The following CEP192 variants were observed in gnomAD, a reference collection of about 807,000 sequenced individuals.
The protein encoded by CEP192 is centrosomal protein of 192 kDa.
A neutral mutation model predicts 271.8 loss-of-function variants in CEP192; 151 were observed. The ratio of observed to expected loss-of-function variants is 0.56; its 90% confidence interval spans 0.49 to 0.64. CEP192 has a LOEUF of 0.64. Among genes scored for constraint, CEP192 ranks in the 30% least tolerant of loss-of-function variants. The pLI, the probability that CEP192 is intolerant of heterozygous loss-of-function variation, is 0.00. For synonymous variants in CEP192, 995 were observed against 1,076.5 expected (o/e 0.92, Z 1.48); for missense variants, 2,910 against 3,020.5 (o/e 0.96, Z 0.86).
At chr18:13,043,514 T>G (rs2036318449) in intron 15 of CEP192, among the ~76,000 whole-genome samples, 1 of 152,216 alleles carries the variant, frequency 6.6e-6, no homozygotes, top group Non-Finnish European at 1.5e-5. Context: ...ATTGTAACTT[T>G]ATTATAATAA....
intron 5 of CEP192, 93 bp from the exon 6 acceptor site, chr18:13,015,235 G>T: frequency 1.7e-6 from 2 of 1,162,384 alleles, no homozygotes; most frequent in Non-Finnish European, 2.4e-6. Context: ...CACAGTGGAG[G>T]TTGAGAACAT....
At chr18:13,072,972 G>C (rs761987293) in intron 29 of CEP192, 37 bp from the exon 30 acceptor site, 4 of 1,587,816 alleles carry the variant, frequency 2.5e-6, no homozygotes, top group Admixed American at 3.5e-5. Flanking sequence ...TTGTGCTACT[G>C]CTTTGTTTTA....
At chr18:13,107,070 ATG>A (rs146766136) in intron 40 of CEP192, among the ~76,000 whole-genome samples, 33 of 151,672 alleles carry the variant, frequency 2.2e-4, no homozygotes, top group African/African-American at 7.3e-4. Flanking sequence ...AACAGATGTT[ATG>A]TGTGTGTGTG....
chr18:13,001,436 A>G, intron 2 of CEP192, 21 bp from the exon 3 acceptor site: 5 of 1,508,720 alleles, frequency 3.3e-6, no homozygotes, highest in Non-Finnish European at 4.5e-6. Context: ...TTAACAATTA[A>G]AACAAATTTT....
At chr18:13,016,235 G>A (rs2034639177) in intron 6 of CEP192, among the ~76,000 whole-genome samples, 1 of 152,186 alleles carries the variant, frequency 6.6e-6, no homozygotes, top group Admixed American at 6.5e-5. Flanking sequence ...GATGGAGCCT[G>A]TGCCAGGCCT....
chr18:13,124,419 A>G, intron 44 of CEP192: 2 of 436,540 alleles, frequency 4.6e-6, no homozygotes, highest in African/African-American at 1.9e-5. Context: ...ATACATACGT[A>G]TGCAATACTG....
chr18:13,069,228 G>C (rs1475138439), intron 26 of CEP192, 47 bp downstream of exon 26: 1 of 1,479,592 alleles, frequency 6.8e-7, no homozygotes. Flanking sequence ...TCCTCAGACT[G>C]TGAGAGCTCC....
At chr18:13,118,848 G>A (rs1415546717) in intron 44 of CEP192, among the ~76,000 whole-genome samples, 1 of 152,144 alleles carries the variant, frequency 6.6e-6, no homozygotes. Flanking sequence ...GACCTTGGCT[G>A]GCAGGATGCA....
At position 13,105,125 on chromosome 18, in the gene CEP192, C is replaced by T. The variant is rs553889671; in HGVS notation, c.7047+46C>T. ...CCATAGGAACATCATGTAAATTGTCCAGGAGTGCCTCATTGGATTCCACCC... is the reference window on the plus strand; with the variant it reads ...CCATAGGAACATCATGTAAATTGTCTAGGAGTGCCTCATTGGATTCCACCC... On this transcript the variant is annotated intron_variant, in intron 40 of 44. Transcript: ENST00000506447. The T allele has an allele frequency of 4.2e-5, 55 of 1,324,576 alleles. No homozygotes were observed. In the East Asian group the frequency reaches 1.2e-3, roughly 30 times the overall value. 82.1% of individuals were successfully genotyped at this position (1,324,576 alleles called of 1,614,324 possible). A position where few individuals can be genotyped will look rare whatever the true frequency, so the allele number is the denominator to read the frequency against.
intron 15 of CEP192, among the ~76,000 whole-genome samples, chr18:13,043,799 A>C (rs1280716509): frequency 6.6e-6 from 1 of 152,116 alleles, no homozygotes; most frequent in African/African-American, 2.4e-5. Context: ...GTATTTTATG[A>C]GTTTTGTGCA....
At chr18:13,110,037 C>CT (rs1448140496) in intron 40 of CEP192, among the ~76,000 whole-genome samples, 3 of 152,128 alleles carry the variant, frequency 2.0e-5, no homozygotes, top group African/African-American at 7.2e-5. Flanking sequence ...ATTTATACAC[C>CT]TTATACCATT....
intron 21 of CEP192, among the ~76,000 whole-genome samples, chr18:13,063,820 ATTTTTTT>A (rs111552814): frequency 7.4e-6 from 1 of 134,566 alleles, no homozygotes. Flanking sequence ...ATTTTCCCCA[ATTTTTTT>A]TTTTTTTTTT....
intron 22 of CEP192, 56 bp from the exon 23 acceptor site, chr18:13,068,038 C>A: frequency 3.7e-6 from 6 of 1,601,980 alleles, no homozygotes; most frequent in Non-Finnish European, 3.4e-6. Flanking sequence ...ATTTTGTTAG[C>A]AAACTTAGCA....
rs748772837 is a variant in CEP192 at position 13,017,327 on chromosome 18, T to A, written c.780T>A (p.Gly260=). ...AAGGTTTTAAGTTACCTACAAATGG[T>A]CTTAGACAGGTGTGTTCCAGTCTTT... is the stretch of plus-strand genomic sequence containing the variant. The part of the protein sequence containing the change: ...PEKGFKLPTN[G]LRQANENGSL... The change falls in exon 7 of 45, where the codon GGT becomes GGA. Residue 260 remains glycine (G), a synonymous_variant. Coordinates refer to ENST00000506447, the MANE Select transcript of CEP192 (RefSeq NM_032142.4). 6.5e-7 allele frequency: 1 copy of A among 1,537,788 alleles called. No homozygotes were observed. The highest frequency in any genetic ancestry group is 1.2e-5 in the South Asian group (1 of 80,904).
At chr18:13,068,531 A>C in intron 24 of CEP192, 109 bp downstream of exon 24, 1 of 994,382 alleles carries the variant, frequency 1.0e-6, no homozygotes, top group East Asian at 2.4e-5. Context: ...AAATCTGTCA[A>C]CTATTTTATG....
intron 30 of CEP192, among the ~76,000 whole-genome samples, chr18:13,076,312 C>T (rs536977906): frequency 1.3e-5 from 2 of 152,256 alleles, no homozygotes; most frequent in Admixed American, 1.3e-4. Flanking sequence ...GCAACCTCTG[C>T]CCCCCAGGTT....
chr18:12,992,604 T>C (rs1214909342), intron 1 of CEP192, among the ~76,000 whole-genome samples: 5 of 152,184 alleles, frequency 3.3e-5, no homozygotes, highest in African/African-American at 1.2e-4. Context: ...AATGCAATAA[T>C]GTGAGAAATT....
Position 13,030,489 on chromosome 18 carries a change from T to A in CEP192, c.1415T>A (p.Val472Asp). Reference protein sequence around the residue: ...KDKTDLPQSVVYQNEEGRWVT... With the variant: ...KDKTDLPQSVDYQNEEGRWVT... ...GAAACAGATCTCCCACAGAGTGTGG[T>A]CTATCAAAATGAAGAGGGTAGGTGG... Residue 472 changes from valine to aspartate, a missense_variant, in exon 11 of 45, where the codon GTC becomes GAC. Val to Asp is a radical substitution (Grantham distance 152, BLOSUM62 -3). Transcript: ENST00000506447. 1 of 1,610,848 alleles carries A rather than the reference T, an allele frequency of 6.2e-7. No homozygotes were observed. The highest frequency in any genetic ancestry group is 8.5e-7 in the Non-Finnish European group (1 of 1,178,288).
At chr18:13,097,818 T>C (rs1229632651) in intron 36 of CEP192, among the ~76,000 whole-genome samples, 2 of 151,708 alleles carry the variant, frequency 1.3e-5, no homozygotes, top group Non-Finnish European at 2.9e-5. Flanking sequence ...TGTCCCTGGG[T>C]ACTTGAGATT....
Sources: allele counts gnomAD v4.1 joint callset (sites outside exome capture counted in the v4.1 genomes callset), GRCh38; gene constraint gnomAD v4.1.1; transcripts MANE v1.5; gene names NCBI Gene and HGNC (gene_info 2026-07-23, HGNC 2026-07-21).